The following KCNIP3 variants were observed in gnomAD, a reference collection of about 807,000 sequenced individuals.
KCNIP3 encodes calsenilin.
KCNIP3 carries 28 observed loss-of-function variants against 35.0 expected under a neutral mutation model. That is an observed-to-expected ratio of 0.80 (90% CI 0.59 to 1.10). The LOEUF (loss-of-function observed/expected upper bound fraction) is 1.10. Ranked by LOEUF, KCNIP3 falls within the 50% of genes least tolerant of loss-of-function variation. The pLI, the probability that KCNIP3 is intolerant of heterozygous loss-of-function variation, is 0.00. For synonymous variants in KCNIP3, 134 were observed against 133.8 expected (o/e 1.00, Z -0.01); for missense variants, 295 against 338.4 (o/e 0.87, Z 1.01).
chr2:95,381,617 A>C lies in KCNIP3; in HGVS notation c.469A>C (p.Ile157Leu), dbSNP rs1320931592. The C allele has an allele frequency of 6.2e-7, 1 of 1,614,004 alleles. No homozygotes were observed. Among genetic ancestry groups the C allele is most frequent in the East Asian group, 2.2e-5 (1 of 44,882 alleles). The change falls in exon 6 of 9, where the codon ATC (isoleucine) becomes CTC (leucine). Residue 157 changes from isoleucine to leucine, a missense_variant. Ile to Leu is a conservative substitution (Grantham distance 5). Transcript: ENST00000295225. The stretch of plus-strand genomic sequence containing the variant: ...ATAGGACTTTGTGGTTGGCCTCTCC[A>C]TCCTGCTGCGGGGCACAGTCCACGA... The part of the protein sequence containing the change: ...HFEDFVVGLS[I>L]LLRGTVHEKL...
chr2:95,303,512 A>T (rs1678089767), intron 1 of KCNIP3: 1 of 152,320 alleles, frequency 6.6e-6, no homozygotes, highest in Non-Finnish European at 1.5e-5. Flanking sequence ...CTCACTGGCC[A>T]CATCTAGAGT....
Position 95,381,638 on chromosome 2 carries a change from C to T in KCNIP3, c.490C>T (p.His164Tyr). 1 of 1,614,146 alleles carries T rather than the reference C, an allele frequency of 6.2e-7. No homozygotes were observed. Among genetic ancestry groups the T allele is most frequent in the Non-Finnish European group, 8.5e-7 (1 of 1,180,000 alleles). Reference sequence around the variant, plus strand: ...CTCCATCCTGCTGCGGGGCACAGTCCACGAGAAGCTCAAGTGGGCCTTTAA... The same window carrying T: ...CTCCATCCTGCTGCGGGGCACAGTCTACGAGAAGCTCAAGTGGGCCTTTAA... ...GLSILLRGTV[H>Y]EKLKWAFNLY... Residue 164 changes from histidine to tyrosine, a missense_variant, in exon 6 of 9, where the codon CAC (histidine) becomes TAC (tyrosine). Transcript: ENST00000295225.
Position 95,383,984 on chromosome 2 carries a change from C to G in KCNIP3, c.724-18C>G. 1 of 1,613,514 alleles carries G rather than the reference C, an allele frequency of 6.2e-7. No homozygotes were observed. Among genetic ancestry groups the G allele is most frequent in the Non-Finnish European group, 8.5e-7 (1 of 1,179,594 alleles). On this transcript the variant is annotated intron_variant, in intron 8 of 8. Transcript: ENST00000295225. ...GCCCACCCAGCACCTGAAGGCCTCC[C>G]TTCCTCTCTCCATGCAGGATGAGAA... is the stretch of plus-strand genomic sequence containing the variant.
intron 2 of KCNIP3, among the ~76,000 whole-genome samples, chr2:95,359,978 A>AG (rs1426982051): frequency 1.3e-5 from 2 of 152,218 alleles, no homozygotes; most frequent in Admixed American, 6.5e-5. Context: ...CTGTGATGAG[A>AG]GGGGCAGCTT....
In KCNIP3 at chr2:95,384,031, G is replaced by A. The variant is rs776483119; in HGVS notation, c.753G>A (p.Leu251=). ...KDENIMSSMQ[L]FENVI ...AGAACATCATGAGCTCCATGCAGCTGTTTGAGAATGTCATCTAGGACACGT... is the reference window on the plus strand; with the variant it reads ...AGAACATCATGAGCTCCATGCAGCTATTTGAGAATGTCATCTAGGACACGT... Residue 251 remains leucine (L), a synonymous_variant, in exon 9 of 9, where the codon CTG becomes CTA. Coordinates refer to ENST00000295225, the MANE Select transcript of KCNIP3 (RefSeq NM_013434.5). 6.2e-7 allele frequency: 1 copy of A among 1,614,008 alleles called. No homozygotes were observed. Among genetic ancestry groups the A allele is most frequent in the Admixed American group, 1.7e-5 (1 of 60,026 alleles).
At chr2:95,326,047 A>G (rs1300763002) in intron 2 of KCNIP3, among the ~76,000 whole-genome samples, 1 of 150,268 alleles carries the variant, frequency 6.7e-6, no homozygotes, top group Non-Finnish European at 1.5e-5. Flanking sequence ...ACACTCATAT[A>G]CACACACACA....
intron 2 of KCNIP3, among the ~76,000 whole-genome samples, chr2:95,326,341 T>C (rs1283989200): frequency 6.6e-6 from 1 of 151,964 alleles, no homozygotes; most frequent in Non-Finnish European, 1.5e-5. Flanking sequence ...TATACTCACA[T>C]GTGCACACAT....
rs1680214612 is a variant in KCNIP3, at chr2:95,376,905, T to C, written c.447+1697T>C. On this transcript the variant is annotated intron_variant, in intron 5 of 8. Coordinates refer to ENST00000295225, the MANE Select transcript of KCNIP3 (RefSeq NM_013434.5). The surrounding 1 kb of genome is among the most constrained non-coding windows in gnomAD (Gnocchi z 4.2). ...CAATGATTCTGTCCCTTTCTGTATA[T>C]TCTTAGAGACAAGATGCATATTAGT... 6.6e-6 allele frequency among the ~76,000 whole-genome samples: 1 copy of C among 152,236 alleles called. No homozygotes were observed. The highest frequency in any genetic ancestry group is 1.5e-5 in the Non-Finnish European group (1 of 68,038).
At chr2:95,355,410 T>C (rs1422283084) in intron 2 of KCNIP3, 1 of 152,136 alleles carries the variant, frequency 6.6e-6, no homozygotes, top group East Asian at 1.9e-4. Context: ...GTTTGATACA[T>C]AGGTATACAT....
Position 95,382,448 on chromosome 2 carries a change from C to G in KCNIP3, c.627C>G (p.Asp209Glu), listed in dbSNP as rs370900651. The change falls in exon 7 of 9, where the codon GAC becomes GAG. Residue 209 changes from aspartate (D) to glutamate (E), a missense_variant. Coordinates refer to ENST00000295225, the MANE Select transcript of KCNIP3 (RefSeq NM_013434.5). The surrounding 1 kb of genome is among the most constrained non-coding windows in gnomAD (Gnocchi z 4.5). Reference sequence around the variant, plus strand: ...ACACCTACCCCATCCTGCGGGAGGACGCGCCGGCGGAGCACGTGGAGAGGT... The same window carrying G: ...ACACCTACCCCATCCTGCGGGAGGAGGCGCCGGCGGAGCACGTGGAGAGGT... ...GRHTYPILRE[D>E]APAEHVERFF... is the part of the protein sequence containing the mutation. The G allele has an allele frequency of 1.2e-6, 2 of 1,608,854 alleles. No individual in the cohort carries two copies. The highest frequency in any genetic ancestry group is 1.3e-5 in the African/African-American group (1 of 74,686).
intron 2 of KCNIP3, among the ~76,000 whole-genome samples, chr2:95,340,405 T>A (rs1424954071): frequency 6.6e-6 from 1 of 152,156 alleles, no homozygotes; most frequent in Non-Finnish European, 1.5e-5. Flanking sequence ...ATTCATAGCT[T>A]CCTTTGGCAA....
At chr2:95,343,517 C>G (rs1461471615) in intron 2 of KCNIP3, among the ~76,000 whole-genome samples, 1 of 152,150 alleles carries the variant, frequency 6.6e-6, no homozygotes, top group African/African-American at 2.4e-5. Flanking sequence ...GTCCCTCAAA[C>G]AGCATGCATC....
chr2:95,309,666 C>T (rs1218882076), intron 1 of KCNIP3, among the ~76,000 whole-genome samples: 1 of 152,100 alleles, frequency 6.6e-6, no homozygotes, highest in Non-Finnish European at 1.5e-5. Flanking sequence ...TCAGGTGATC[C>T]GCCTGCCTCG....
chr2:95,326,798 TG>T (rs1678806645), intron 2 of KCNIP3, among the ~76,000 whole-genome samples: 2 of 152,222 alleles, frequency 1.3e-5, no homozygotes, highest in Non-Finnish European at 2.9e-5. Flanking sequence ...CAGGGCCCCG[TG>T]GGACCTGGCT....
chr2:95,366,096 C>T (rs1679910954), intron 2 of KCNIP3, among the ~76,000 whole-genome samples: 1 of 152,160 alleles, frequency 6.6e-6, no homozygotes, highest in Non-Finnish European at 1.5e-5. Flanking sequence ...GTCCTCCCAC[C>T]TCAGCCTCCT....
At chr2:95,364,001 A>G (rs1354836848) in intron 2 of KCNIP3, among the ~76,000 whole-genome samples, 2 of 152,126 alleles carry the variant, frequency 1.3e-5, no homozygotes, top group African/African-American at 4.8e-5. Flanking sequence ...CAATTCGTAC[A>G]CTATTTATTT....
chr2:95,374,872 G>A lies in KCNIP3; in HGVS notation c.331G>A (p.Glu111Lys), dbSNP rs772564883. 4 of 1,613,940 alleles carry A rather than the reference G, an allele frequency of 2.5e-6. No individual in the cohort carries two copies. The highest frequency in any genetic ancestry group is 2.2e-5 in the East Asian group (1 of 44,866). The change falls in exon 4 of 9, where the codon GAA becomes AAA. Residue 111 changes from glutamate to lysine, a missense_variant. Glu to Lys is a moderately conservative substitution (Grantham distance 56). Transcript: ENST00000295225. ...KNECPTGLVD[E>K]DTFKLIYAQF... ...GGAGTGTCCCACGGGCCTGGTGGAC[G>A]AAGACACCTTCAAACTCATTTACGC...
Position 95,319,149 on chromosome 2 carries a change from C to G in KCNIP3, c.181+8629C>G, listed in dbSNP as rs182757694. 3.4e-3 allele frequency among the ~76,000 whole-genome samples: 518 copies of G among 152,332 alleles called. 2 individuals are homozygous for G. Among genetic ancestry groups the G allele is most frequent in the African/African-American group, 0.012 (500 of 41,586 alleles). Reference sequence around the variant, plus strand: ...AGATTGAGCATACACTCACGCATCCCCAAACAAGTAGAATAACAGGGGCTT... The same window carrying G: ...AGATTGAGCATACACTCACGCATCCGCAAACAAGTAGAATAACAGGGGCTT... On this transcript the variant is annotated intron_variant, in intron 2 of 8. Coordinates refer to ENST00000295225, the MANE Select transcript of KCNIP3 (RefSeq NM_013434.5).
intron 1 of KCNIP3, among the ~76,000 whole-genome samples, chr2:95,300,195 G>A (rs530839695): frequency 1.7e-3 from 265 of 152,348 alleles, no homozygotes; most frequent in African/African-American, 6.0e-3. Flanking sequence ...CCTCCAGTGA[G>A]TGCACACAAG....
Sources: gnomAD v4.1 joint callset for allele counts (sites outside exome capture counted in the v4.1 genomes callset) on GRCh38, gnomAD v4.1.1 for gene constraint, Gnocchi (gnomAD v3.1) non-coding constraint, MANE v1.5 for transcripts, NCBI Gene and HGNC (gene_info 2026-07-23, HGNC 2026-07-21) for gene names.